Variants in NLGN1 observed in about 807,000 individuals in gnomAD.
NLGN1 encodes the protein neuroligin-1.
Under a neutral mutation model 65.5 loss-of-function variants are expected in NLGN1, and 12 were observed. That is an observed-to-expected ratio of 0.18 (90% confidence interval 0.12 to 0.30). The LOEUF (loss-of-function observed/expected upper bound fraction) is 0.30, where lower values mean the gene tolerates loss of function less well. NLGN1 is among the 10% of genes least tolerant of loss of function. The probability of loss-of-function intolerance (pLI) is 1.00; values close to 1 mark genes in which losing one functional copy is unlikely to be tolerated. For missense variants in NLGN1, 750 were observed against 1,007.1 expected, an observed-to-expected ratio of 0.74 and a Z score of 3.46; for synonymous variants, 350 against 359.5, an observed-to-expected ratio of 0.97 and a Z score of 0.30.
At chr3:173,753,969 T>TATAATATA (rs1553836569) in intron 3 of NLGN1, among the ~76,000 whole-genome samples, 2 of 144,708 alleles carry the variant, frequency 1.4e-5, no homozygotes, top group African/African-American at 2.5e-5. Context: ...TATAATATAA[T>TATAATATA]ATAATATCTA....
At chr3:173,775,726 A>G (rs904162249) in intron 3 of NLGN1, among the ~76,000 whole-genome samples, 14 of 152,156 alleles carry the variant, frequency 9.2e-5, no homozygotes, top group Non-Finnish European at 1.9e-4. Flanking sequence ...ATGGACATGG[A>G]AGTAGTTTAA....
chr3:174,271,472 C>T (rs1749391879), intron 4 of NLGN1, among the ~76,000 whole-genome samples: 2 of 151,764 alleles, frequency 1.3e-5, no homozygotes, highest in African/African-American at 4.8e-5. Flanking sequence ...ATCTGAGTTC[C>T]ATATACAACA....
chr3:173,407,045 A>G (rs977884582), intron 1 of NLGN1, among the ~76,000 whole-genome samples: 1 of 152,152 alleles, frequency 6.6e-6, no homozygotes, highest in African/African-American at 2.4e-5. Flanking sequence ...TTAATCCTCT[A>G]GTTGTGTCAC....
chr3:173,894,498 A>T (rs953331107), intron 4 of NLGN1, among the ~76,000 whole-genome samples: 1 of 152,216 alleles, frequency 6.6e-6, no homozygotes, highest in African/African-American at 2.4e-5. Flanking sequence ...TTTGATATTT[A>T]TTAAAGATAC....
chr3:174,119,497 T>C (rs1288942355), intron 4 of NLGN1, among the ~76,000 whole-genome samples: 7 of 152,188 alleles, frequency 4.6e-5, no homozygotes, highest in Non-Finnish European at 1.0e-4. Flanking sequence ...GGCTAAATAG[T>C]TTCATTTCAC....
intron 4 of NLGN1, among the ~76,000 whole-genome samples, chr3:174,248,833 T>C (rs1223377813): frequency 6.6e-6 from 1 of 152,132 alleles, no homozygotes; most frequent in East Asian, 1.9e-4. Context: ...AAAGACTATA[T>C]AGTATAGGAA....
intron 2 of NLGN1, chr3:173,584,892 A>G (rs1747087636): frequency 6.6e-6 from 1 of 152,152 alleles, no homozygotes; most frequent in African/African-American, 2.4e-5. Flanking sequence ...AGATTTCAAA[A>G]AAGCGTCTAG....
intron 2 of NLGN1, among the ~76,000 whole-genome samples, chr3:173,546,992 C>T (rs891971810): frequency 6.6e-6 from 1 of 151,988 alleles, no homozygotes; most frequent in African/African-American, 2.4e-5. Flanking sequence ...ATTATAAGTC[C>T]CTTGCTTACT....
intron 4 of NLGN1, among the ~76,000 whole-genome samples, chr3:174,213,924 A>G (rs143523115): frequency 6.6e-4 from 101 of 152,270 alleles, no homozygotes; most frequent in African/African-American, 2.1e-3. Flanking sequence ...ATTTTACCAT[A>G]TTTAATTTAT....
At chr3:173,539,442 CAT>C (rs1738061213) in intron 2 of NLGN1, among the ~76,000 whole-genome samples, 1 of 143,546 alleles carries the variant, frequency 7.0e-6, no homozygotes, top group Non-Finnish European at 1.5e-5. Flanking sequence ...TATATATGTA[CAT>C]GTATATACAT....
At position 173,508,111 on chromosome 3, in the gene NLGN1, T is replaced by C. The variant is rs1732330593; in HGVS notation, c.-321+73033T>C. On this transcript the variant is annotated intron_variant, in intron 2 of 6. Coordinates refer to ENST00000457714, the Ensembl canonical transcript of NLGN1. ...AGATCCACTTTAGGGTTCTTTTGTC[T>C]ACTTTTAGAGGCTAACATATCACTG... Among the ~76,000 whole-genome samples, 4 of 152,180 alleles carry C rather than the reference T, an allele frequency of 2.6e-5. No individual in the cohort carries two copies. The South Asian group carries it at 8.3e-4, about 31-fold the overall frequency.
chr3:173,697,057 A>G (rs182860670), intron 3 of NLGN1, among the ~76,000 whole-genome samples: 1 of 152,334 alleles, frequency 6.6e-6, no homozygotes, highest in East Asian at 1.9e-4. Context: ...TATCCTTCTC[A>G]TCATTTTAAA....
chr3:173,994,519 G>A (rs1721877293), intron 4 of NLGN1, among the ~76,000 whole-genome samples: 1 of 129,160 alleles, frequency 7.7e-6, no homozygotes. Context: ...AATTAGTAAT[G>A]CATTAGCTCT....
At chr3:173,653,633 T>C (rs1220100624) in intron 3 of NLGN1, among the ~76,000 whole-genome samples, 1 of 152,226 alleles carries the variant, frequency 6.6e-6, no homozygotes, top group Non-Finnish European at 1.5e-5. Context: ...TATATTGATA[T>C]AGTTGATTAC....
At chr3:173,466,546 G>T (rs1724392575) in intron 2 of NLGN1, among the ~76,000 whole-genome samples, 1 of 152,100 alleles carries the variant, frequency 6.6e-6, no homozygotes. Context: ...TGTTTTGTAT[G>T]CTAGGTGTAT....
At chr3:173,422,146 T>TATATATACACAC (rs398063034) in intron 1 of NLGN1, among the ~76,000 whole-genome samples, 1 of 130,234 alleles carries the variant, frequency 7.7e-6, no homozygotes, top group African/African-American at 2.8e-5. Context: ...ACACTATATA[T>TATATATACACAC]ACACACACAC....
intron 2 of NLGN1, among the ~76,000 whole-genome samples, chr3:173,600,349 C>T (rs771628151): frequency 1.3e-4 from 20 of 151,984 alleles, no homozygotes; most frequent in Non-Finnish European, 2.8e-4. Flanking sequence ...TTAAGAGTCA[C>T]CATCAAGCCA....
intron 1 of NLGN1, among the ~76,000 whole-genome samples, chr3:173,415,919 G>GGAGA (rs1167795390): frequency 0.014 from 1,795 of 125,008 alleles, 38 homozygotes; most frequent in African/African-American, 0.046. Flanking sequence ...AGAGAGAGAG[G>GGAGA]GAGAGAGAGA....
intron 3 of NLGN1, among the ~76,000 whole-genome samples, chr3:173,640,026 C>A (rs1757159494): frequency 6.6e-6 from 1 of 152,058 alleles, no homozygotes; most frequent in Non-Finnish European, 1.5e-5. Context: ...TATTCTAATT[C>A]ATTATTGAAA....
Sources: gnomAD v4.1 joint callset for allele counts (sites outside exome capture counted in the v4.1 genomes callset) on GRCh38, gnomAD v4.1.1 for gene constraint, MANE v1.5 for transcripts, NCBI Gene and HGNC (gene_info 2026-07-23, HGNC 2026-07-21) for gene names.